Variants in PLCL1 observed in about 807,000 individuals in gnomAD.
PLCL1 encodes the protein phospholipase C like 1 (inactive), also known as inactive phospholipase C-like protein 1.
In PLCL1, 41 loss-of-function variants were observed where a neutral mutation model predicts 84.4. The ratio of observed to expected loss-of-function variants is 0.49; its 90% confidence interval spans 0.38 to 0.63. The LOEUF is 0.63. Ranked by LOEUF, PLCL1 falls within the 30% of genes least tolerant of loss-of-function variation. PLCL1 has a pLI of 0.00. For missense variants in PLCL1, 1,206 were observed against 1,367.8 expected, an observed-to-expected ratio of 0.88 and a Z score of 1.87; for synonymous variants, 490 against 488.3, an observed-to-expected ratio of 1.00 and a Z score of -0.05.
intron 1 of PLCL1, among the ~76,000 whole-genome samples, chr2:197,905,494 G>T (rs1180034773): frequency 6.6e-6 from 1 of 152,128 alleles, no homozygotes; most frequent in Non-Finnish European, 1.5e-5. Flanking sequence ...TCTAGTCTAT[G>T]ATTGATGGGC....
intron 1 of PLCL1, among the ~76,000 whole-genome samples, chr2:197,833,352 T>G (rs56157374): frequency 1.3e-3 from 205 of 152,144 alleles, no homozygotes; most frequent in Non-Finnish European, 2.3e-3. Flanking sequence ...GAGAAATAAA[T>G]AAAGATATTC....
rs1688680199 is a variant in PLCL1 at position 197,920,410 on chromosome 2, G to A, written c.240+115071G>A. On this transcript the variant is annotated intron_variant, in intron 1 of 5. Transcript: ENST00000428675. ...GGACAGAGTGCCTGAGGAAGACTGA[G>A]ATTTCTTTCTTGGAATTGGAAATTA... is the stretch of plus-strand genomic sequence containing the variant. Among the ~76,000 whole-genome samples, 5 of 151,990 alleles carry A rather than the reference G, an allele frequency of 3.3e-5. No individual in the cohort carries two copies. The South Asian group carries it at 1.0e-3, about 32-fold the overall frequency.
intron 1 of PLCL1, among the ~76,000 whole-genome samples, chr2:197,963,875 C>A (rs905687822): frequency 8.6e-5 from 13 of 151,958 alleles, no homozygotes; most frequent in African/African-American, 2.9e-4. Context: ...GTTTTTGTCA[C>A]CTTTGTCAAA....
intron 5 of PLCL1, among the ~76,000 whole-genome samples, chr2:198,105,253 C>A (rs1363765522): frequency 6.6e-6 from 1 of 151,964 alleles, no homozygotes. Context: ...GTTATTCCAG[C>A]ACCACTTATT....
chr2:197,918,730 T>C (rs1688643121), intron 1 of PLCL1, among the ~76,000 whole-genome samples: 1 of 152,086 alleles, frequency 6.6e-6, no homozygotes, highest in Non-Finnish European at 1.5e-5. Flanking sequence ...GAGACCAGCC[T>C]GAGCAACATG....
chr2:197,857,887 T>C (rs1687358885), intron 1 of PLCL1, among the ~76,000 whole-genome samples: 1 of 151,744 alleles, frequency 6.6e-6, no homozygotes, highest in Admixed American at 6.6e-5. Context: ...AGTTGACATA[T>C]GGTGAAAGGG....
chr2:198,052,312 A>G (rs572461943), intron 1 of PLCL1, among the ~76,000 whole-genome samples: 4 of 152,228 alleles, frequency 2.6e-5, no homozygotes, highest in Non-Finnish European at 4.4e-5. Context: ...CGGCCTCCCA[A>G]AGTGCTGGGA....
At chr2:197,817,551 A>G (rs1690715903) in intron 1 of PLCL1, among the ~76,000 whole-genome samples, 1 of 152,076 alleles carries the variant, frequency 6.6e-6, no homozygotes, top group Admixed American at 6.6e-5. Context: ...AGTAGCTGGA[A>G]CTATAGGCCT....
chr2:198,003,886 C>T (rs1056312544), intron 1 of PLCL1, among the ~76,000 whole-genome samples: 1 of 152,088 alleles, frequency 6.6e-6, no homozygotes, highest in Admixed American at 6.6e-5. Context: ...CTCTTTCCAC[C>T]ACAAAACTGA....
At chr2:197,857,262 A>G (rs964750083) in intron 1 of PLCL1, among the ~76,000 whole-genome samples, 4 of 152,112 alleles carry the variant, frequency 2.6e-5, no homozygotes, top group Non-Finnish European at 4.4e-5. Flanking sequence ...GCATGTGGCC[A>G]TCTCTGAACC....
At chr2:198,105,373 A>G (rs1186283562) in intron 5 of PLCL1, among the ~76,000 whole-genome samples, 1 of 151,956 alleles carries the variant, frequency 6.6e-6, no homozygotes, top group African/African-American at 2.4e-5. Context: ...CCATTGGTCT[A>G]TATGTCTGTT....
At chr2:197,824,954 T>G (rs1041393323) in intron 1 of PLCL1, among the ~76,000 whole-genome samples, 1 of 152,128 alleles carries the variant, frequency 6.6e-6, no homozygotes, top group Non-Finnish European at 1.5e-5. Context: ...TTGGCAGCTA[T>G]TACTCATTTT....
intron 1 of PLCL1, among the ~76,000 whole-genome samples, chr2:197,878,629 C>CTGTG (rs989129974): frequency 1.3e-5 from 2 of 151,906 alleles, no homozygotes; most frequent in African/African-American, 4.8e-5. Flanking sequence ...CTGTGGAAAA[C>CTGTG]TGTGTGTGTG....
intron 1 of PLCL1, among the ~76,000 whole-genome samples, chr2:197,860,227 A>G (rs1574916808): frequency 6.6e-6 from 1 of 151,658 alleles, no homozygotes; most frequent in Admixed American, 6.6e-5. Flanking sequence ...TTATGGCTGC[A>G]TAGTATTTCT....
chr2:198,109,577 A>T (rs1018175556), intron 5 of PLCL1, among the ~76,000 whole-genome samples: 1 of 151,878 alleles, frequency 6.6e-6, no homozygotes, highest in Admixed American at 6.6e-5. Context: ...GAAGTGTTTC[A>T]CTCATGAGAG....
chr2:198,144,143 G>T (rs927297863), intron 5 of PLCL1, among the ~76,000 whole-genome samples: 1 of 152,148 alleles, frequency 6.6e-6, no homozygotes, highest in Admixed American at 6.5e-5. Context: ...TGTGGGAAAA[G>T]GGGATGTGAG....
At chr2:198,015,947 C>T (rs1211112117) in intron 1 of PLCL1, among the ~76,000 whole-genome samples, 1 of 152,014 alleles carries the variant, frequency 6.6e-6, no homozygotes, top group Non-Finnish European at 1.5e-5. Flanking sequence ...TACAACTTAC[C>T]TGACATGATC....
intron 1 of PLCL1, among the ~76,000 whole-genome samples, chr2:197,833,766 A>G (rs531042289): frequency 4.6e-5 from 7 of 152,232 alleles, no homozygotes; most frequent in Non-Finnish European, 7.3e-5. Context: ...ATTCAGTGCT[A>G]TTCCTATCAA....
intron 5 of PLCL1, among the ~76,000 whole-genome samples, chr2:198,138,050 A>C (rs1694299974): frequency 6.6e-6 from 1 of 152,168 alleles, no homozygotes; most frequent in Non-Finnish European, 1.5e-5. Context: ...ATGATGAAAA[A>C]TGTCCTGTGT....
Sources: allele counts gnomAD v4.1 joint callset (sites outside exome capture counted in the v4.1 genomes callset), GRCh38; gene constraint gnomAD v4.1.1; transcripts MANE v1.5; gene names NCBI Gene and HGNC (gene_info 2026-07-23, HGNC 2026-07-21).